SNX29: variants seen among roughly 807,000 people sequenced by gnomAD.
The protein encoded by SNX29 is sorting nexin-29.
In SNX29, 78 loss-of-function variants were observed where a neutral mutation model predicts 102.1. The observed-to-expected ratio is 0.76, with a 90% CI of 0.64 to 0.92. The LOEUF is 0.92. SNX29 is among the 40% of genes least tolerant of loss of function. SNX29 has a pLI of 0.00. For missense variants in SNX29, 1,280 were observed against 1,061.7 expected (o/e 1.21, Z -2.86); for synonymous variants, 580 against 414.5 (o/e 1.40, Z -4.85).
intron 3 of SNX29, among the ~76,000 whole-genome samples, chr16:12,008,806 A>G (rs1020708190): frequency 2.0e-5 from 3 of 150,998 alleles, no homozygotes; most frequent in South Asian, 2.1e-4. Flanking sequence ...CAGTGGCGCA[A>G]TCTCAGTTCA....
At chr16:12,170,481 G>T (rs1443585305) in intron 13 of SNX29, among the ~76,000 whole-genome samples, 10 of 151,856 alleles carry the variant, frequency 6.6e-5, no homozygotes, top group Admixed American at 6.6e-4. Context: ...GTGTGGATGG[G>T]TGTGCCTGCC....
In SNX29 at chr16:12,457,199, G is replaced by A. The variant is rs761113856; in HGVS notation, c.2038-20520G>A. Among the ~76,000 whole-genome samples, 11 of 152,290 alleles carry A rather than the reference G, an allele frequency of 7.2e-5. 1 individual carries two copies. The highest frequency in any genetic ancestry group is 6.2e-4 in the South Asian group (3 of 4,810). On this transcript the variant is annotated intron_variant, in intron 18 of 20. Coordinates refer to ENST00000566228, the MANE Select transcript of SNX29 (RefSeq NM_032167.5). ...TGCTAATAACAGTACAATAAACACC[G>A]GTCATGCTTTATGCATGTGTTATGT...
chr16:12,556,359 G>A (rs142943600), intron 20 of SNX29: 1 of 152,360 alleles, frequency 6.6e-6, no homozygotes, highest in East Asian at 1.9e-4. Context: ...TCACCTGGTT[G>A]AGTATACCAG....
chr16:12,127,712 G>A (rs941195611), intron 12 of SNX29, among the ~76,000 whole-genome samples: 3 of 152,212 alleles, frequency 2.0e-5, no homozygotes, highest in Non-Finnish European at 4.4e-5. Context: ...GTGAGCCACT[G>A]TGCCTGGCCT....
intron 11 of SNX29, chr16:12,089,995 T>C (rs2052430096): frequency 5.1e-6 from 1 of 195,364 alleles, no homozygotes; most frequent in Non-Finnish European, 1.1e-5. Flanking sequence ...CTAACACCCG[T>C]GAGTCATAGA....
chr16:12,038,437 T>C (rs1055249995), intron 4 of SNX29, among the ~76,000 whole-genome samples: 1 of 152,234 alleles, frequency 6.6e-6, no homozygotes, highest in Admixed American at 6.5e-5. Flanking sequence ...GCACTTGTTC[T>C]TGTTGGCATT....
chr16:12,369,899 A>C (rs1026498560), intron 16 of SNX29, among the ~76,000 whole-genome samples: 27 of 152,180 alleles, frequency 1.8e-4, no homozygotes, highest in African/African-American at 6.3e-4. Context: ...GTATTTTTTG[A>C]ACGATTTCTT....
At chr16:12,431,495 G>T (rs2085315629) in intron 18 of SNX29, among the ~76,000 whole-genome samples, 2 of 144,512 alleles carry the variant, frequency 1.4e-5, no homozygotes, top group African/African-American at 2.6e-5. Context: ...GATCCACAGT[G>T]TACGAATGAT....
chr16:12,229,818 T>C (rs1488000205), intron 14 of SNX29, among the ~76,000 whole-genome samples: 1 of 152,212 alleles, frequency 6.6e-6, no homozygotes, highest in Non-Finnish European at 1.5e-5. Flanking sequence ...TCAACTGTGC[T>C]TGGACCTAGA....
At chr16:12,396,438 G>A (rs1015855523) in intron 16 of SNX29, among the ~76,000 whole-genome samples, 10 of 152,138 alleles carry the variant, frequency 6.6e-5, no homozygotes, top group African/African-American at 2.4e-4. Context: ...GTGTAGCAGT[G>A]GAGCTGGTGT....
chr16:12,061,612 C>A lies in SNX29; in HGVS notation c.1209C>A (p.Phe403Leu), dbSNP rs768010707. Residue 403 changes from phenylalanine (F) to leucine (L), a missense_variant, in exon 9 of 21, where the codon TTC becomes TTA. By Grantham distance (22) the Phe-to-Leu change is conservative (BLOSUM62 0). Transcript: ENST00000566228. ...KVLHNDSDIL[F>L]PVSGVGSYSP... ...TGCACAATGACTCCGACATCCTCTT[C>A]CCTGTCAGTGGCGTGGGCTCCTACA... 3.7e-6 allele frequency: 6 copies of A among 1,612,030 alleles called. No individual in the cohort carries two copies. In the Admixed American group the frequency reaches 1.0e-4, roughly 27 times the overall value.
intron 11 of SNX29, among the ~76,000 whole-genome samples, chr16:12,091,170 T>A (rs955183625): frequency 6.6e-6 from 1 of 151,810 alleles, no homozygotes; most frequent in Non-Finnish European, 1.5e-5. Context: ...AAAATAGGAG[T>A]GCTAGACTTG....
intron 17 of SNX29, among the ~76,000 whole-genome samples, chr16:12,400,638 C>T (rs565982850): frequency 3.5e-4 from 54 of 152,336 alleles, no homozygotes; most frequent in African/African-American, 1.2e-3. Flanking sequence ...GGAAGTCACT[C>T]TCCTTAGATC....
intron 15 of SNX29, among the ~76,000 whole-genome samples, chr16:12,317,111 C>G (rs1211555434): frequency 3.3e-5 from 5 of 152,218 alleles, no homozygotes; most frequent in Middle Eastern, 3.2e-3. Context: ...GAAGTTTTCT[C>G]TTTCCACTTT....
intron 9 of SNX29, among the ~76,000 whole-genome samples, chr16:12,064,004 A>C (rs534623694): frequency 6.6e-6 from 1 of 152,092 alleles, no homozygotes; most frequent in East Asian, 1.9e-4. Context: ...GGATGTGTCT[A>C]GGACCCCTGG....
At chr16:12,396,498 C>T (rs932613847) in intron 16 of SNX29, among the ~76,000 whole-genome samples, 9 of 152,134 alleles carry the variant, frequency 5.9e-5, no homozygotes, top group East Asian at 5.8e-4. Flanking sequence ...ATCCCCATAG[C>T]GTGCCCAGAA....
intron 20 of SNX29, among the ~76,000 whole-genome samples, chr16:12,555,319 C>T (rs562308124): frequency 2.1e-4 from 32 of 151,856 alleles, no homozygotes; most frequent in African/African-American, 7.5e-4. Context: ...CTCATAGCCC[C>T]AGTGTTTCTT....
chr16:12,423,022 C>T (rs2084929497), intron 18 of SNX29, among the ~76,000 whole-genome samples: 1 of 152,188 alleles, frequency 6.6e-6, no homozygotes, highest in Non-Finnish European at 1.5e-5. Flanking sequence ...CAAAGCCCAG[C>T]TCAGGAAGAA....
In SNX29 at chr16:12,573,034, G is replaced by C. The variant is rs34705637; in HGVS notation, c.*4405G>C. 6 of 251,590 alleles carry C rather than the reference G, an allele frequency of 2.4e-5. No homozygotes were observed. Among genetic ancestry groups the C allele is most frequent in the Admixed American group, 5.7e-5 (1 of 17,668 alleles). The allele number at this position is 251,590 out of a possible 1,614,324, so 15.6% of individuals were successfully genotyped here. On this transcript the variant is annotated 3_prime_UTR_variant, in exon 21 of 21. Coordinates refer to ENST00000566228, the MANE Select transcript of SNX29 (RefSeq NM_032167.5). ...ATTTGCTGTTTTTAGATTGGCGTCC[G>C]TGCTAATTCTGCAGTTGTAGCACTG...
Sources: gnomAD v4.1 joint callset for allele counts (sites outside exome capture counted in the v4.1 genomes callset) on GRCh38, gnomAD v4.1.1 for gene constraint, MANE v1.5 for transcripts, NCBI Gene and HGNC (gene_info 2026-07-23, HGNC 2026-07-21) for gene names.